CLHC1: variants seen among roughly 807,000 people sequenced by gnomAD.
CLHC1 encodes clathrin heavy chain linker domain-containing protein 1.
Under a neutral mutation model 69.5 loss-of-function variants are expected in CLHC1, and 72 were observed. That is an observed-to-expected ratio of 1.04 (90% CI 0.86 to 1.26). The LOEUF (loss-of-function observed/expected upper bound fraction) is 1.26, where lower values mean the gene tolerates loss of function less well. Among genes scored for constraint, CLHC1 ranks in the 50% most tolerant of loss-of-function variants. The probability of loss-of-function intolerance (pLI) is 0.00; values close to 1 mark genes in which losing one functional copy is unlikely to be tolerated. For missense variants in CLHC1, 790 were observed against 679.3 expected (o/e 1.16, Z -1.81); for synonymous variants, 223 against 224.3 (o/e 0.99, Z 0.05).
chr2:55,206,524 T>C (rs192246255), intron 8 of CLHC1, 148 bp from the exon 9 acceptor site: 25 of 635,116 alleles, frequency 3.9e-5, no homozygotes, highest in Middle Eastern at 8.5e-4. Context: ...CTAGAATCAT[T>C]CACACTGTAA....
chr2:55,228,994 T>C (rs557884819), intron 1 of CLHC1, among the ~76,000 whole-genome samples: 2 of 151,752 alleles, frequency 1.3e-5, no homozygotes, highest in East Asian at 1.9e-4. Context: ...TATTAAAGAA[T>C]ATAAAAATTA....
At chr2:55,197,236 ATGGTATCTC>A (rs1429345196) in intron 9 of CLHC1, among the ~76,000 whole-genome samples, 1 of 152,160 alleles carries the variant, frequency 6.6e-6, no homozygotes, top group Non-Finnish European at 1.5e-5. Context: ...CTGGCTCCTG[ATGGTATCTC>A]TGGAGCCACC....
At chr2:55,186,895 T>A (rs1670465873) in intron 9 of CLHC1, among the ~76,000 whole-genome samples, 2 of 152,164 alleles carry the variant, frequency 1.3e-5, no homozygotes, top group Admixed American at 1.3e-4. Context: ...AAAGATATGA[T>A]CATTGAGGTG....
At chr2:55,221,662 C>T (rs1674130002) in intron 3 of CLHC1, among the ~76,000 whole-genome samples, 1 of 152,210 alleles carries the variant, frequency 6.6e-6, no homozygotes, top group Non-Finnish European at 1.5e-5. Flanking sequence ...AGGGTACATA[C>T]AGCCAGGTAG....
intron 9 of CLHC1, among the ~76,000 whole-genome samples, chr2:55,205,424 C>T (rs542661722): frequency 2.0e-5 from 3 of 150,886 alleles, no homozygotes; most frequent in Non-Finnish European, 4.4e-5. Context: ...CACACACACG[C>T]ACACACACAC....
At chr2:55,215,229 T>A (rs963050186) in intron 4 of CLHC1, 27 of 152,328 alleles carry the variant, frequency 1.8e-4, no homozygotes, top group African/African-American at 6.5e-4. Context: ...AATATATTTT[T>A]AAAAAATCTT....
At position 55,190,641 on chromosome 2, in the gene CLHC1, G is replaced by A. The variant is rs567554633; in HGVS notation, c.1007-8897C>T. ...ACTGGATGGGATTAACTGCAGATTA[G>A]ATACTGAAGATTAGTCAATTTAAAA... On this transcript the variant is annotated intron_variant, in intron 9 of 12. Transcript: ENST00000401408. Among the ~76,000 whole-genome samples the A allele has an allele frequency of 2.6e-5, 4 of 152,172 alleles. No individual in the cohort carries two copies. In the East Asian group the frequency reaches 7.7e-4, roughly 29 times the overall value.
chr2:55,177,268 T>C (rs961717238), intron 12 of CLHC1, among the ~76,000 whole-genome samples: 8 of 152,202 alleles, frequency 5.3e-5, no homozygotes, highest in African/African-American at 1.9e-4. Flanking sequence ...AAACATATAG[T>C]TTATATCTAC....
chr2:55,217,749 T>C (rs1000256217), intron 4 of CLHC1, 62 bp downstream of exon 4: 4 of 1,024,058 alleles, frequency 3.9e-6, no homozygotes, highest in African/African-American at 1.7e-5. Context: ...AGAGTTACAC[T>C]GGCTAGTTAT....
At chr2:55,225,145 C>T (rs1384949991) in intron 2 of CLHC1, 1 of 152,964 alleles carries the variant, frequency 6.5e-6, no homozygotes, top group Non-Finnish European at 1.5e-5. Flanking sequence ...TCAGATGTGA[C>T]TAAGAGGGAT....
intron 9 of CLHC1, among the ~76,000 whole-genome samples, chr2:55,200,095 A>C (rs1433019336): frequency 1.3e-5 from 2 of 151,948 alleles, no homozygotes; most frequent in Non-Finnish European, 2.9e-5. Flanking sequence ...GTGGTGGTGC[A>C]TGCCTGTGAT....
chr2:55,226,419 ATATC>A (rs772252425), intron 2 of CLHC1, among the ~76,000 whole-genome samples: 2 of 152,232 alleles, frequency 1.3e-5, no homozygotes, highest in African/African-American at 2.4e-5. Context: ...AATGAAATAA[ATATC>A]TATTTAATAT....
Position 55,216,510 on chromosome 2 carries a change from C to T in CLHC1, c.365+1301G>A, listed in dbSNP as rs182371984. ...TGGAGGAAATTACCTGGAGCAATTA[C>T]CTGCATCCCTTATTTATTTTATTTT... On this transcript the variant is annotated intron_variant, in intron 4 of 12. Coordinates refer to ENST00000401408, the MANE Select transcript of CLHC1 (RefSeq NM_152385.4). 2.2e-3 allele frequency among the ~76,000 whole-genome samples: 339 copies of T among 152,026 alleles called. 1 individual carries two copies. Among genetic ancestry groups the T allele is most frequent in the South Asian group, 3.1e-3 (15 of 4,818 alleles).
At chr2:55,220,207 A>C (rs1558512872) in intron 3 of CLHC1, among the ~76,000 whole-genome samples, 1 of 152,158 alleles carries the variant, frequency 6.6e-6, no homozygotes, top group Non-Finnish European at 1.5e-5. Flanking sequence ...CTTTGATTTT[A>C]AACACAATTT....
chr2:55,190,454 G>A (rs1670816145), intron 9 of CLHC1, among the ~76,000 whole-genome samples: 1 of 152,024 alleles, frequency 6.6e-6, no homozygotes, highest in Non-Finnish European at 1.5e-5. Context: ...TGACATGATA[G>A]AATTTGTAGA....
Position 55,177,511 on chromosome 2 carries a change from G to A in CLHC1, c.1564+91C>T, listed in dbSNP as rs530979415. On this transcript the variant is annotated intron_variant, in intron 12 of 12. Coordinates refer to ENST00000401408, the MANE Select transcript of CLHC1 (RefSeq NM_152385.4). The stretch of plus-strand genomic sequence containing the variant: ...AACTCTTGCTAAGAAGGAACTCTTA[G>A]GGAAATTTGAGTTAACTCATGCATA... 1.5e-5 allele frequency: 12 copies of A among 825,116 alleles called. No homozygotes were observed. The African/African-American group carries it at 1.9e-4, about 13-fold the overall frequency. The allele number at this position is 825,116 out of a possible 1,614,324, so 51.1% of individuals were successfully genotyped here.
chr2:55,175,717 G>T lies in CLHC1; in HGVS notation c.*73C>A. 1 of 993,318 alleles carries T rather than the reference G, an allele frequency of 1.0e-6. No homozygotes were observed. Among genetic ancestry groups the T allele is most frequent in the Non-Finnish European group, 1.5e-6 (1 of 665,126 alleles). The allele number at this position is 993,318 out of a possible 1,614,324, so 61.5% of individuals were successfully genotyped here. ...CTAGATTTATTTATAAGTTAGTTAC[G>T]TTAAAATCAGTTTTTCCCAACCAGC... On this transcript the variant is annotated 3_prime_UTR_variant, in exon 13 of 13. Transcript: ENST00000401408.
rs560848602 is a variant in CLHC1, at chr2:55,180,164, T to A, written c.1384+346A>T. ...TGAGACTCCATCTCAAAAAAAAATA[T>A]ATATATATATATCTCACAAATAAGT... On this transcript the variant is annotated intron_variant, in intron 11 of 12. Coordinates refer to ENST00000401408, the MANE Select transcript of CLHC1 (RefSeq NM_152385.4). Among the ~76,000 whole-genome samples the A allele has an allele frequency of 2.2e-3, 332 of 150,480 alleles. 2 individuals carry two copies. The highest frequency in any genetic ancestry group is 9.9e-3 in the East Asian group (51 of 5,142).
intron 11 of CLHC1, among the ~76,000 whole-genome samples, chr2:55,179,225 C>T (rs527322893): frequency 6.6e-6 from 1 of 151,860 alleles, no homozygotes; most frequent in East Asian, 1.9e-4. Context: ...TAATTAATAC[C>T]TACTATGCCA....
Sources: gnomAD v4.1 joint callset for allele counts (sites outside exome capture counted in the v4.1 genomes callset) on GRCh38, gnomAD v4.1.1 for gene constraint, MANE v1.5 for transcripts, NCBI Gene and HGNC (gene_info 2026-07-23, HGNC 2026-07-21) for gene names.